The following PLAUR variants were observed in gnomAD, a reference collection of about 807,000 sequenced individuals.
PLAUR encodes the protein urokinase plasminogen activator surface receptor.
Under a neutral mutation model 33.4 loss-of-function variants are expected in PLAUR, and 22 were observed. That is an observed-to-expected ratio of 0.66 (90% CI 0.47 to 0.94). PLAUR has a LOEUF of 0.94. Ranked by LOEUF, PLAUR falls within the 40% of genes least tolerant of loss-of-function variation. PLAUR has a pLI of 0.00. For synonymous variants in PLAUR, 148 were observed against 167.3 expected (o/e 0.88, Z 0.89); for missense variants, 408 against 434.7 (o/e 0.94, Z 0.55).
At chr19:43,665,173 G>A in intron 3 of PLAUR, 143 bp downstream of exon 3, 1 of 760,992 alleles carries the variant, frequency 1.3e-6, no homozygotes, top group Admixed American at 2.2e-5. Context: ...CTGAGCTAGA[G>A]ATGGGTTGGG....
At position 43,655,484 on chromosome 19, in the gene PLAUR, G is replaced by A; in HGVS notation, c.562C>T (p.His188Tyr). 1 of 1,614,206 alleles carries A rather than the reference G, an allele frequency of 6.2e-7. No individual in the cohort carries two copies. The highest frequency in any genetic ancestry group is 1.3e-5 in the African/African-American group (1 of 75,064). The change falls in exon 5 of 7, where the codon CAC becomes TAC. Residue 188 changes from histidine to tyrosine, a missense_variant. His to Tyr is a moderately conservative substitution (Grantham distance 83). Transcript: ENST00000340093. The part of the protein sequence containing the change: ...SNGFHNNDTF[H>Y]FLKCCNTTKC... ...GTGGTGTTGCAGCATTTCAGGAAGTGGAAGGTGTCGTTGTTGTGGAAACCA... is the reference window on the plus strand; with the variant it reads ...GTGGTGTTGCAGCATTTCAGGAAGTAGAAGGTGTCGTTGTTGTGGAAACCA...
In PLAUR at chr19:43,649,056, T is replaced by C; in HGVS notation, c.842A>G (p.Asn281Ser). The C allele has an allele frequency of 6.2e-7, 1 of 1,614,074 alleles. No individual in the cohort carries two copies. Among genetic ancestry groups the C allele is most frequent in the Admixed American group, 1.7e-5 (1 of 59,998 alleles). ...AGTACAGCAGGAGACATCAATGTGG[T>C]TCATGCTGAAGGCGTCACCCAGGTG... ...HAHLGDAFSM[N>S]HIDVSCCTKS... Residue 281 changes from asparagine (N) to serine (S), a missense_variant, in exon 7 of 7, where the codon AAC becomes AGC. Physicochemically the swap from Asn to Ser is conservative, Grantham distance 46. Transcript: ENST00000340093.
chr19:43,665,533 G>C, intron 2 of PLAUR, 74 bp from the exon 3 acceptor site: 1 of 1,480,114 alleles, frequency 6.8e-7, no homozygotes, highest in Non-Finnish European at 9.4e-7. Context: ...CTGGTCTCAA[G>C]GTCATCCACT....
intron 6 of PLAUR, among the ~76,000 whole-genome samples, chr19:43,650,256 G>A (rs143981849): frequency 1.1e-3 from 164 of 151,346 alleles, no homozygotes; most frequent in African/African-American, 3.5e-3. Flanking sequence ...TGATCTGCCC[G>A]CCTTGGCCTC....
chr19:43,649,777 G>A (rs746788697), intron 6 of PLAUR, among the ~76,000 whole-genome samples: 4 of 152,008 alleles, frequency 2.6e-5, no homozygotes, highest in South Asian at 2.1e-4. Context: ...AGCGAGCAGC[G>A]GTTCTTAAAG....
chr19:43,656,447 G>T, intron 4 of PLAUR, 32 bp downstream of exon 4: 1 of 1,549,202 alleles, frequency 6.5e-7, no homozygotes, highest in South Asian at 1.2e-5. Flanking sequence ...AGCAGAGCAG[G>T]GAGGAGGAGT....
intron 5 of PLAUR, among the ~76,000 whole-genome samples, chr19:43,654,735 C>A (rs1365839755): frequency 6.6e-6 from 1 of 151,628 alleles, no homozygotes; most frequent in Non-Finnish European, 1.5e-5. Flanking sequence ...CCCTGTCCCC[C>A]CCATACCCCC....
At chr19:43,658,689 T>C (rs1974309748) in intron 3 of PLAUR, among the ~76,000 whole-genome samples, 2 of 152,096 alleles carry the variant, frequency 1.3e-5, no homozygotes, top group South Asian at 4.1e-4. Context: ...CCAAGACACA[T>C]CTAAGCTGAG....
chr19:43,669,920 G>T, intron 1 of PLAUR, 146 bp downstream of exon 1: 2 of 740,972 alleles, frequency 2.7e-6, no homozygotes, highest in Middle Eastern at 5.1e-4. Flanking sequence ...GCCGCGTGGC[G>T]TTGCACAAAG....
chr19:43,663,958 AC>A (rs1352295843), intron 3 of PLAUR, among the ~76,000 whole-genome samples: 1 of 151,832 alleles, frequency 6.6e-6, no homozygotes, highest in Non-Finnish European at 1.5e-5. Flanking sequence ...TCTCCCCAGG[AC>A]CCTTCATGTC....
At chr19:43,652,988 A>AT (rs932434665) in intron 5 of PLAUR, among the ~76,000 whole-genome samples, 1 of 151,662 alleles carries the variant, frequency 6.6e-6, no homozygotes, top group Non-Finnish European at 1.5e-5. Flanking sequence ...TTACTAAAAA[A>AT]TTTTTTTTGA....
In PLAUR at chr19:43,667,614, G is replaced by C. The variant is rs1284817952; in HGVS notation, c.133C>G (p.Leu45Val). The C allele has an allele frequency of 6.2e-7, 1 of 1,613,968 alleles. No individual in the cohort carries two copies. Among genetic ancestry groups the C allele is most frequent in the South Asian group, 1.1e-5 (1 of 91,082 alleles). Residue 45 changes from leucine to valine, a missense_variant, in exon 2 of 7, where the codon CTC (leucine) becomes GTC (valine). By Grantham distance (32) the Leu-to-Val change is conservative. Transcript: ENST00000340093. Reference sequence around the variant, plus strand: ...AAGCGCACGATCGTGGTCCTGCAGAGGTCCTGTCCCAGGGCGCACTCTTCC... The same window carrying C: ...AAGCGCACGATCGTGGTCCTGCAGACGTCCTGTCCCAGGGCGCACTCTTCC... The part of the protein sequence containing the change: ...RVEECALGQD[L>V]CRTTIVRLWE...
intron 5 of PLAUR, among the ~76,000 whole-genome samples, chr19:43,654,917 A>G (rs1974140359): frequency 6.6e-6 from 1 of 152,058 alleles, no homozygotes; most frequent in Non-Finnish European, 1.5e-5. Flanking sequence ...GAGACAAAAG[A>G]GACAGGAAGC....
chr19:43,652,706 A>G (rs1974046866), intron 5 of PLAUR, among the ~76,000 whole-genome samples: 1 of 152,112 alleles, frequency 6.6e-6, no homozygotes, highest in African/African-American at 2.4e-5. Flanking sequence ...GCTGGAGTGC[A>G]GTGGCGCAAT....
chr19:43,658,289 G>T (rs1974294373), intron 3 of PLAUR, among the ~76,000 whole-genome samples: 1 of 152,188 alleles, frequency 6.6e-6, no homozygotes, highest in Non-Finnish European at 1.5e-5. Flanking sequence ...TCATGTGAGT[G>T]AAGCTACCTT....
At chr19:43,655,276 CAAAAAAAAAAAA>C (rs34689348) in intron 5 of PLAUR, among the ~76,000 whole-genome samples, 151 bp downstream of exon 5, 4 of 66,204 alleles carry the variant, frequency 6.0e-5, no homozygotes, top group Admixed American at 3.3e-4. Flanking sequence ...GACTCCGTCT[CAAAAAAAAAAAA>C]AAAAAAAAAA....
At chr19:43,669,611 A>G (rs1967433253) in intron 1 of PLAUR, among the ~76,000 whole-genome samples, 1 of 151,984 alleles carries the variant, frequency 6.6e-6, no homozygotes, top group Admixed American at 6.6e-5. Context: ...CAGGAGATTG[A>G]GACCATCCTG....
intron 3 of PLAUR, among the ~76,000 whole-genome samples, chr19:43,659,598 C>A (rs1249804297): frequency 6.6e-6 from 1 of 152,232 alleles, no homozygotes; most frequent in African/African-American, 2.4e-5. Context: ...AGACACGCAA[C>A]TGTCTCTTCG....
intron 5 of PLAUR, among the ~76,000 whole-genome samples, chr19:43,652,784 G>A (rs1974051499): frequency 6.6e-6 from 1 of 152,064 alleles, no homozygotes; most frequent in South Asian, 2.1e-4. Flanking sequence ...CTGAGTAGCT[G>A]GGACTACAGG....
Sources: allele counts gnomAD v4.1 joint callset (sites outside exome capture counted in the v4.1 genomes callset), GRCh38; gene constraint gnomAD v4.1.1; transcripts MANE v1.5; gene names NCBI Gene and HGNC (gene_info 2026-07-23, HGNC 2026-07-21).